The following ADAMTS6 variants were observed in gnomAD, a reference collection of about 807,000 sequenced individuals.
ADAMTS6 encodes the protein ADAM metallopeptidase with thrombospondin type 1 motif 6.
A neutral mutation model predicts 144.3 loss-of-function variants in ADAMTS6; 23 were observed. The observed-to-expected ratio is 0.16, with a 90% CI of 0.11 to 0.23. ADAMTS6 has a LOEUF of 0.23. Among genes scored for constraint, ADAMTS6 ranks in the 10% least tolerant of loss-of-function variants. The pLI, the probability that ADAMTS6 is intolerant of heterozygous loss-of-function variation, is 1.00. For synonymous variants in ADAMTS6, 444 were observed against 457.5 expected (o/e 0.97, Z 0.38); for missense variants, 999 against 1,379.6 (o/e 0.72, Z 4.37).
intron 10 of ADAMTS6, among the ~76,000 whole-genome samples, chr5:65,299,071 T>C (rs1743126182): frequency 6.6e-6 from 1 of 151,844 alleles, no homozygotes; most frequent in Non-Finnish European, 1.5e-5. Context: ...ATTTAATTTC[T>C]CCTCCCTAAA....
intron 7 of ADAMTS6, chr5:65,451,205 G>A (rs1470004524): frequency 1.1e-5 from 3 of 285,316 alleles, no homozygotes; most frequent in South Asian, 7.6e-5. Context: ...ACATGCTTTT[G>A]ATTAAATATT....
chr5:65,339,215 AG>A (rs1328700215), intron 7 of ADAMTS6, among the ~76,000 whole-genome samples: 44 of 152,324 alleles, frequency 2.9e-4, no homozygotes, highest in Admixed American at 2.7e-3. Flanking sequence ...CTCTCAGCCA[AG>A]GTCACTGAGA....
chr5:65,404,937 T>C (rs1439342286), intron 7 of ADAMTS6, among the ~76,000 whole-genome samples: 1 of 152,256 alleles, frequency 6.6e-6, no homozygotes, highest in Non-Finnish European at 1.5e-5. Flanking sequence ...GCTGCATAAA[T>C]GTCTTCTTTT....
chr5:65,309,562 CA>C (rs984950802), intron 9 of ADAMTS6, among the ~76,000 whole-genome samples: 6 of 151,518 alleles, frequency 4.0e-5, no homozygotes, highest in Non-Finnish European at 8.8e-5. Context: ...CAGTTCCTAA[CA>C]GGCCATGGTT....
chr5:65,290,598 A>T (rs1742203964), intron 11 of ADAMTS6, among the ~76,000 whole-genome samples: 1 of 152,148 alleles, frequency 6.6e-6, no homozygotes, highest in Non-Finnish European at 1.5e-5. Context: ...CTTATTTTTT[A>T]AATCTGAATT....
chr5:65,188,683 C>G (rs1295160137), intron 21 of ADAMTS6, among the ~76,000 whole-genome samples: 1 of 152,128 alleles, frequency 6.6e-6, no homozygotes, highest in Non-Finnish European at 1.5e-5. Context: ...CAATTTCAAG[C>G]TACCAGCTTG....
chr5:65,304,262 T>A (rs1449335581), intron 9 of ADAMTS6, among the ~76,000 whole-genome samples: 1 of 152,222 alleles, frequency 6.6e-6, no homozygotes, highest in East Asian at 1.9e-4. Context: ...CAAAGTACAA[T>A]GTTAAGTTTA....
chr5:65,402,692 A>ACC lies in ADAMTS6; in HGVS notation c.1073+48781_1073+48782dup, dbSNP rs34691301. Among the ~76,000 whole-genome samples, 10 of 149,356 alleles carry ACC rather than the reference A, an allele frequency of 6.7e-5. No individual in the cohort carries two copies. In the East Asian group the frequency reaches 1.4e-3, roughly 21 times the overall value. ...AATGTCCAGGCTCCTATCCAAGGAC[A>ACC]CCCCCCCCCATATTTGGCGCTGGAT... is the stretch of plus-strand genomic sequence containing the variant. On this transcript the variant is annotated intron_variant, in intron 7 of 24. Transcript: ENST00000381055.
chr5:65,301,695 C>T (rs534306804), intron 9 of ADAMTS6, among the ~76,000 whole-genome samples: 6 of 140,318 alleles, frequency 4.3e-5, no homozygotes, highest in East Asian at 2.1e-4. Context: ...ACGAGGGTGC[C>T]GGATAAACAG....
intron 7 of ADAMTS6, 32 bp from the exon 8 acceptor site, chr5:65,334,117 C>G (rs1747071783): frequency 6.7e-7 from 1 of 1,488,726 alleles, no homozygotes; most frequent in Admixed American, 2.6e-5. Context: ...AATTTGTAAT[C>G]TGATCAGATT....
intron 9 of ADAMTS6, among the ~76,000 whole-genome samples, chr5:65,314,264 T>G (rs1189252727): frequency 6.6e-6 from 1 of 151,962 alleles, no homozygotes; most frequent in Non-Finnish European, 1.5e-5. Flanking sequence ...AAAGAACCAG[T>G]GAACTTGATA....
chr5:65,418,864 G>C (rs1408211493), intron 7 of ADAMTS6, among the ~76,000 whole-genome samples: 3 of 152,046 alleles, frequency 2.0e-5, no homozygotes, highest in Non-Finnish European at 4.4e-5. Flanking sequence ...TCTCACACTA[G>C]TCAGAATGGC....
intron 7 of ADAMTS6, among the ~76,000 whole-genome samples, chr5:65,368,620 A>G (rs1219518430): frequency 6.6e-6 from 1 of 152,226 alleles, no homozygotes; most frequent in Non-Finnish European, 1.5e-5. Context: ...TTGGGTCTAA[A>G]GCAACACGAA....
At chr5:65,385,649 G>T (rs183693651) in intron 7 of ADAMTS6, among the ~76,000 whole-genome samples, 2 of 152,034 alleles carry the variant, frequency 1.3e-5, no homozygotes, top group African/African-American at 4.8e-5. Context: ...TCTATATGAA[G>T]ATCAATTAAT....
At chr5:65,296,684 T>A (rs1356578985) in intron 10 of ADAMTS6, among the ~76,000 whole-genome samples, 1 of 152,092 alleles carries the variant, frequency 6.6e-6, no homozygotes, top group African/African-American at 2.4e-5. Context: ...ATCAGTTCTC[T>A]TGTAGATCTA....
chr5:65,422,473 T>C (rs1756135370), intron 7 of ADAMTS6, among the ~76,000 whole-genome samples: 1 of 151,960 alleles, frequency 6.6e-6, no homozygotes, highest in South Asian at 2.1e-4. Flanking sequence ...AATACAAAAA[T>C]TAGTTGGGTG....
chr5:65,274,325 T>C lies in ADAMTS6; in HGVS notation c.1513-878A>G, dbSNP rs568708193. On this transcript the variant is annotated intron_variant, in intron 11 of 24. Coordinates refer to ENST00000381055, the MANE Select transcript of ADAMTS6 (RefSeq NM_197941.4). ...GTCAAATTTTCAGTTTATTTTTATA[T>C]ATAATCACCAACTAGCATCATTACC... Among the ~76,000 whole-genome samples, 81 of 152,210 alleles carry C rather than the reference T, an allele frequency of 5.3e-4. 3 individuals are homozygous for C. Among genetic ancestry groups the C allele is most frequent in the South Asian group, 4.6e-3 (22 of 4,822 alleles).
In ADAMTS6 at chr5:65,475,670, A is replaced by C. The variant is rs148827615; in HGVS notation, c.-279-1718T>G. On this transcript the variant is annotated intron_variant, in intron 1 of 24. Transcript: ENST00000381055. The stretch of plus-strand genomic sequence containing the variant: ...TTTACAAGTCAAATTGCTGGAGGTA[A>C]TCATTACAAATAGAAGAAATGCATT... 7.9e-5 allele frequency among the ~76,000 whole-genome samples: 12 copies of C among 152,286 alleles called. 1 individual carries two copies. The East Asian group carries it at 2.3e-3, about 29-fold the overall frequency.
chr5:65,421,280 G>A (rs1324295376), intron 7 of ADAMTS6, among the ~76,000 whole-genome samples: 2 of 152,062 alleles, frequency 1.3e-5, no homozygotes, highest in African/African-American at 4.8e-5. Context: ...AATGCCCTCA[G>A]CATTTGCTTG....
Sources: gnomAD v4.1 joint callset for allele counts (sites outside exome capture counted in the v4.1 genomes callset) on GRCh38, gnomAD v4.1.1 for gene constraint, MANE v1.5 for transcripts, NCBI Gene and HGNC (gene_info 2026-07-23, HGNC 2026-07-21) for gene names.